The following SOX6 variants were observed in gnomAD, a reference collection of about 807,000 sequenced individuals.
The protein encoded by SOX6 is transcription factor SOX-6.
In SOX6, 11 loss-of-function variants were observed where a neutral mutation model predicts 97.8. The ratio of observed to expected loss-of-function variants is 0.11; its 90% CI spans 0.07 to 0.19. The LOEUF (loss-of-function observed/expected upper bound fraction) is 0.19, where lower values mean the gene tolerates loss of function less well. SOX6 is among the 10% of genes least tolerant of loss of function. SOX6 has a pLI of 1.00. For missense variants in SOX6, 810 were observed against 1,039.5 expected, an observed-to-expected ratio of 0.78 and a Z score of 3.04; for synonymous variants, 360 against 371.4, an observed-to-expected ratio of 0.97 and a Z score of 0.35.
intron 4 of SOX6, among the ~76,000 whole-genome samples, chr11:16,198,025 C>CTGTTGTTGT (rs66685848): frequency 9.2e-4 from 138 of 150,018 alleles, no homozygotes; most frequent in African/African-American, 3.3e-3. Context: ...TCAAGATTTC[C>CTGTTGTTGT]TGTTGTTGTT....
intron 1 of SOX6, among the ~76,000 whole-genome samples, chr11:16,345,709 A>C (rs1020060229): frequency 6.6e-6 from 1 of 152,056 alleles, no homozygotes; most frequent in Non-Finnish European, 1.5e-5. Flanking sequence ...TCAGAATATC[A>C]TATTTTCTAG....
intron 3 of SOX6, among the ~76,000 whole-genome samples, chr11:16,276,560 A>G (rs1854405850): frequency 6.6e-6 from 1 of 152,180 alleles, no homozygotes; most frequent in Admixed American, 6.5e-5. Flanking sequence ...AAAAGGTATA[A>G]ATAGAATAAT....
intron 3 of SOX6, among the ~76,000 whole-genome samples, chr11:16,260,296 G>T (rs890144220): frequency 2.6e-5 from 4 of 151,956 alleles, no homozygotes; most frequent in Admixed American, 2.0e-4. Context: ...CACTGTGCCC[G>T]GGCCAATGTC....
rs190160234 is a variant in SOX6 at position 16,527,881 on chromosome 11, C to T, written n.610-51493G>A. On this transcript the variant is annotated intron_variant and non_coding_transcript_variant, in intron 4 of 5. Coordinates refer to the SOX6 transcript ENST00000524520. Reference sequence around the variant, plus strand: ...ACTGGGACTTCGGGAGTCATTGTGACGGCAGCAAAGCTCCAAAACACAAAA... The same window carrying T: ...ACTGGGACTTCGGGAGTCATTGTGATGGCAGCAAAGCTCCAAAACACAAAA... Among the ~76,000 whole-genome samples the T allele has an allele frequency of 2.8e-3, 427 of 152,112 alleles. 1 individual carries two copies. Among genetic ancestry groups the T allele is most frequent in the South Asian group, 0.011 (54 of 4,820 alleles).
At chr11:16,102,093 G>A (rs1840424) in intron 7 of SOX6, among the ~76,000 whole-genome samples, 8,602 of 151,716 alleles carry the variant, frequency 0.057, 629 homozygotes, top group East Asian at 0.37. Context: ...TCAAAGTGTC[G>A]CTGTTTGCTC....
intron 12 of SOX6, among the ~76,000 whole-genome samples, chr11:16,020,535 A>G (rs536723197): frequency 6.6e-6 from 1 of 152,038 alleles, no homozygotes. Flanking sequence ...AATTTTCTAC[A>G]GTTCTCCTGT....
chr11:16,343,660 C>T (rs1293873060), intron 1 of SOX6, among the ~76,000 whole-genome samples: 1 of 151,782 alleles, frequency 6.6e-6, no homozygotes, highest in East Asian at 1.9e-4. Flanking sequence ...CCTGCAATTA[C>T]ATTAAATAGA....
At chr11:16,066,519 G>A (rs1848097410) in intron 9 of SOX6, among the ~76,000 whole-genome samples, 1 of 152,128 alleles carries the variant, frequency 6.6e-6, no homozygotes, top group Non-Finnish European at 1.5e-5. Flanking sequence ...ATCAACAGAT[G>A]AATGAGTAAA....
chr11:16,506,938 C>T (rs897996346), intron 4 of SOX6, among the ~76,000 whole-genome samples: 7 of 151,934 alleles, frequency 4.6e-5, no homozygotes, highest in Admixed American at 3.3e-4. Flanking sequence ...GTGGCGAATA[C>T]CTGTAATCCC....
chr11:16,102,780 G>C (rs1162713026), intron 7 of SOX6, among the ~76,000 whole-genome samples: 1 of 151,888 alleles, frequency 6.6e-6, no homozygotes, highest in Non-Finnish European at 1.5e-5. Flanking sequence ...AATGGGGAAA[G>C]ACACCCTATT....
intron 15 of SOX6, among the ~76,000 whole-genome samples, chr11:15,985,424 T>C (rs1433386639): frequency 6.6e-6 from 1 of 152,156 alleles, no homozygotes; most frequent in Non-Finnish European, 1.5e-5. Context: ...GCTTCAGGTC[T>C]GTGCCTCAAA....
At chr11:16,702,560 C>G (rs1302989140) in intron 3 of SOX6, among the ~76,000 whole-genome samples, 1 of 152,168 alleles carries the variant, frequency 6.6e-6, no homozygotes, top group African/African-American at 2.4e-5. Flanking sequence ...AGTCAGACCA[C>G]AGGAGGACAC....
At chr11:16,389,078 T>C (rs959231316) in intron 1 of SOX6, among the ~76,000 whole-genome samples, 1 of 152,098 alleles carries the variant, frequency 6.6e-6, no homozygotes, top group African/African-American at 2.4e-5. Context: ...TGTTGTTTTG[T>C]GGTTTTTTGT....
At chr11:16,652,901 T>C (rs574865432) in intron 3 of SOX6, among the ~76,000 whole-genome samples, 55 of 151,742 alleles carry the variant, frequency 3.6e-4, no homozygotes, top group African/African-American at 1.3e-3. Flanking sequence ...TACAAAGAAC[T>C]CAAACAAATC....
intron 4 of SOX6, among the ~76,000 whole-genome samples, chr11:16,519,042 T>C (rs1162197130): frequency 2.0e-5 from 3 of 152,110 alleles, no homozygotes; most frequent in African/African-American, 7.2e-5. Flanking sequence ...CTCTTATACC[T>C]TTCTTCTGAA....
intron 7 of SOX6, among the ~76,000 whole-genome samples, chr11:16,097,941 G>A (rs1188679377): frequency 6.6e-6 from 1 of 151,822 alleles, no homozygotes; most frequent in Non-Finnish European, 1.5e-5. Context: ...ATTCAAGCAT[G>A]TTCACTCCAT....
chr11:16,184,664 T>C (rs973549018), intron 5 of SOX6, among the ~76,000 whole-genome samples: 3 of 152,148 alleles, frequency 2.0e-5, no homozygotes, highest in Admixed American at 2.0e-4. Flanking sequence ...ATCTGGTCTA[T>C]AAAAAGAAAT....
intron 3 of SOX6, among the ~76,000 whole-genome samples, chr11:16,635,720 C>A (rs1183535845): frequency 1.3e-5 from 2 of 152,144 alleles, no homozygotes; most frequent in African/African-American, 2.4e-5. Flanking sequence ...AAAATGGTTT[C>A]CTGGGTGAGG....
chr11:15,994,076 T>C (rs1854150071), intron 13 of SOX6, among the ~76,000 whole-genome samples: 2 of 152,212 alleles, frequency 1.3e-5, no homozygotes, highest in Admixed American at 1.3e-4. Flanking sequence ...TGTGATGGGG[T>C]ATACAAAGAT....
Sources: allele counts gnomAD v4.1 joint callset (sites outside exome capture counted in the v4.1 genomes callset), GRCh38; gene constraint gnomAD v4.1.1; transcripts MANE v1.5; gene names NCBI Gene and HGNC (gene_info 2026-07-23, HGNC 2026-07-21).